DNAJC8: variants seen among roughly 807,000 people sequenced by gnomAD.
DNAJC8 encodes the protein DnaJ heat shock protein family (Hsp40) member C8.
A neutral mutation model predicts 43.2 loss-of-function variants in DNAJC8; 24 were observed. The ratio of observed to expected loss-of-function variants is 0.56; its 90% CI spans 0.40 to 0.78. The LOEUF (loss-of-function observed/expected upper bound fraction) is 0.78. Ranked by LOEUF, DNAJC8 falls within the 30% of genes least tolerant of loss-of-function variation. The pLI, the probability that DNAJC8 is intolerant of heterozygous loss-of-function variation, is 0.00. For synonymous variants in DNAJC8, 83 were observed against 98.0 expected, an observed-to-expected ratio of 0.85 and a Z score of 0.90; for missense variants, 207 against 299.4, an observed-to-expected ratio of 0.69 and a Z score of 2.28.
At chr1:28,215,147 C>T (rs1402851872) in intron 2 of DNAJC8, 151 bp from the exon 3 acceptor site, 4 of 523,200 alleles carry the variant, frequency 7.6e-6, no homozygotes, top group Admixed American at 7.0e-5. Context: ...CTAGAAATTG[C>T]TAAAGAAATA....
At chr1:28,211,345 G>A (rs1646809426) in intron 3 of DNAJC8, among the ~76,000 whole-genome samples, 1 of 152,168 alleles carries the variant, frequency 6.6e-6, no homozygotes, top group South Asian at 2.1e-4. Flanking sequence ...CTAACATGAT[G>A]CTCAAAGGAA....
chr1:28,227,688 A>T (rs1169941433), intron 2 of DNAJC8, among the ~76,000 whole-genome samples: 2 of 152,002 alleles, frequency 1.3e-5, no homozygotes, highest in Non-Finnish European at 2.9e-5. Context: ...GGTCAAGGAG[A>T]TCACTTAAGC....
rs1557706548 is a variant in DNAJC8 at position 28,208,418 on chromosome 1, A to G, written c.400-5T>C. 5 of 1,608,922 alleles carry G rather than the reference A, an allele frequency of 3.1e-6. No individual in the cohort carries two copies. The highest frequency in any genetic ancestry group is 1.7e-5 in the Admixed American group (1 of 59,740). On this transcript the variant is annotated splice_region_variant and splice_polypyrimidine_tract_variant and intron_variant, in intron 5 of 8. Coordinates refer to ENST00000263697, the MANE Select transcript of DNAJC8 (RefSeq NM_014280.3). ...TTGTTTTTTTCGCTCTTTCACCTAAAAAGAATTTTTTTTCATCAAAAGACG... is the reference window on the plus strand; with the variant it reads ...TTGTTTTTTTCGCTCTTTCACCTAAGAAGAATTTTTTTTCATCAAAAGACG...
intron 2 of DNAJC8, among the ~76,000 whole-genome samples, chr1:28,219,645 T>G (rs1227537451): frequency 6.6e-6 from 1 of 152,180 alleles, no homozygotes; most frequent in Non-Finnish European, 1.5e-5. Context: ...AAGCTCTAGT[T>G]TTATTAGAGG....
intron 3 of DNAJC8, among the ~76,000 whole-genome samples, chr1:28,213,797 C>T (rs1297182162): frequency 2.0e-5 from 3 of 152,162 alleles, no homozygotes; most frequent in Non-Finnish European, 4.4e-5. Context: ...GCCAGCAGAT[C>T]GCTTGAGCCC....
intron 2 of DNAJC8, among the ~76,000 whole-genome samples, 184 bp from the exon 3 acceptor site, chr1:28,215,180 A>T (rs984188623): frequency 2.5e-4 from 38 of 152,198 alleles, no homozygotes; most frequent in African/African-American, 8.4e-4. Context: ...TCAACAGAAT[A>T]ACAATTATAT....
rs956864396 is a variant in DNAJC8, at chr1:28,201,104, C to A, written c.*144G>T. ...CAATGTACAAAAGAATTACTCTGAT[C>A]GATATTAAATCGTATTGAAAACAAA... On this transcript the variant is annotated 3_prime_UTR_variant, in exon 9 of 9. Coordinates refer to ENST00000263697, the MANE Select transcript of DNAJC8 (RefSeq NM_014280.3). The A allele has an allele frequency of 1.5e-5, 18 of 1,197,678 alleles. No homozygotes were observed. Among genetic ancestry groups the A allele is most frequent in the Non-Finnish European group, 2.1e-5 (18 of 857,370 alleles). 74.2% of individuals were successfully genotyped at this position (1,197,678 alleles called of 1,614,324 possible). A position where few individuals can be genotyped will look rare whatever the true frequency, so the allele number is the denominator to read the frequency against.
chr1:28,212,216 A>ATATAT lies in DNAJC8; in HGVS notation c.238-1580_238-1579insATATA, dbSNP rs1557708051. 2.9e-4 allele frequency among the ~76,000 whole-genome samples: 21 copies of ATATAT among 71,676 alleles called. 1 individual carries two copies. The highest frequency in any genetic ancestry group is 9.6e-4 in the African/African-American group (20 of 20,800). 47.0% of individuals were successfully genotyped at this position (71,676 alleles called of 152,430 possible). A position where few individuals can be genotyped will look rare whatever the true frequency, so the allele number is the denominator to read the frequency against. On this transcript the variant is annotated intron_variant, in intron 3 of 8. Coordinates refer to ENST00000263697, the MANE Select transcript of DNAJC8 (RefSeq NM_014280.3). ...ATATATATATATATATATATATATA[A>ATATAT]ATGAAATTAACTATTCAATATAGAT...
At chr1:28,205,472 T>C in intron 6 of DNAJC8, 123 bp from the exon 7 acceptor site, 3 of 657,438 alleles carry the variant, frequency 4.6e-6, no homozygotes, top group South Asian at 4.0e-5. Flanking sequence ...CTGTGCACCG[T>C]GGCTCACATC....
chr1:28,212,653 T>C (rs916201620), intron 3 of DNAJC8, among the ~76,000 whole-genome samples: 2 of 152,070 alleles, frequency 1.3e-5, no homozygotes. Flanking sequence ...GTAATTCAGA[T>C]ACTCACAGTT....
At chr1:28,204,714 C>T (rs1252169900) in intron 7 of DNAJC8, among the ~76,000 whole-genome samples, 1 of 152,058 alleles carries the variant, frequency 6.6e-6, no homozygotes, top group Non-Finnish European at 1.5e-5. Context: ...AGAACACACA[C>T]AAGGCTCTTG....
rs1557706553 is a variant in DNAJC8 at position 28,208,423 on chromosome 1, A to T, written c.400-10T>A. The T allele has an allele frequency of 3.1e-6, 5 of 1,598,330 alleles. No individual in the cohort carries two copies. In the African/African-American group the frequency reaches 5.4e-5, roughly 17 times the overall value. ...TTTTTCGCTCTTTCACCTAAAAAGA[A>T]TTTTTTTTCATCAAAAGACGAGCAT... On this transcript the variant is annotated splice_polypyrimidine_tract_variant and intron_variant, in intron 5 of 8. Transcript: ENST00000263697.
rs548871721 is a variant in DNAJC8, at chr1:28,218,774, G to A, written c.181-3778C>T. Among the ~76,000 whole-genome samples, 5 of 152,162 alleles carry A rather than the reference G, an allele frequency of 3.3e-5. No individual in the cohort carries two copies. The South Asian group carries it at 8.3e-4, about 25-fold the overall frequency. On this transcript the variant is annotated intron_variant, in intron 2 of 8. Transcript: ENST00000263697. ...TACAATATTAGCCAGGCATGGTGGT[G>A]CATGAAAATGAGAATTTTCATGTCA...
chr1:28,217,673 G>C (rs1039353755), intron 2 of DNAJC8, among the ~76,000 whole-genome samples: 1 of 151,912 alleles, frequency 6.6e-6, no homozygotes, highest in Non-Finnish European at 1.5e-5. Flanking sequence ...GGAATCTCTA[G>C]GGGTAAACCA....
chr1:28,229,440 T>C (rs981361479), intron 1 of DNAJC8, among the ~76,000 whole-genome samples: 1 of 151,948 alleles, frequency 6.6e-6, no homozygotes, highest in African/African-American at 2.4e-5. Context: ...AAGATGTGCT[T>C]GTGTGTGATT....
intron 6 of DNAJC8, among the ~76,000 whole-genome samples, chr1:28,207,917 AG>A (rs1174780441): frequency 6.6e-5 from 10 of 152,014 alleles, no homozygotes; most frequent in African/African-American, 1.9e-4. Context: ...AATTAGCCAG[AG>A]GCCGGGCAGG....
chr1:28,201,189 C>T lies in DNAJC8; in HGVS notation c.*59G>A. 1 of 1,604,856 alleles carries T rather than the reference C, an allele frequency of 6.2e-7. No individual in the cohort carries two copies. Among genetic ancestry groups the T allele is most frequent in the Non-Finnish European group, 8.5e-7 (1 of 1,177,402 alleles). The stretch of plus-strand genomic sequence containing the variant: ...GTGGAAGTGGGAGGAAAGAATGAGT[C>T]CTTCGAAGCAGGAAGGGAGATAGCA... On this transcript the variant is annotated 3_prime_UTR_variant, in exon 9 of 9. Coordinates refer to ENST00000263697, the MANE Select transcript of DNAJC8 (RefSeq NM_014280.3).
chr1:28,225,272 C>T (rs1355513234), intron 2 of DNAJC8, among the ~76,000 whole-genome samples: 1 of 151,228 alleles, frequency 6.6e-6, no homozygotes, highest in Non-Finnish European at 1.5e-5. Context: ...TAAAGTATAT[C>T]AGGGTGATGG....
intron 2 of DNAJC8, among the ~76,000 whole-genome samples, chr1:28,228,348 CAA>C (rs78440134): frequency 1.1e-4 from 8 of 74,794 alleles, no homozygotes; most frequent in Admixed American, 1.6e-4. Context: ...GACTCCGTCT[CAA>C]AAAAAAAAAA....
Sources: allele counts gnomAD v4.1 joint callset (sites outside exome capture counted in the v4.1 genomes callset), GRCh38; gene constraint gnomAD v4.1.1; transcripts MANE v1.5; gene names NCBI Gene and HGNC (gene_info 2026-07-23, HGNC 2026-07-21).